The following ASPSCR1 variants were observed in gnomAD, a reference collection of about 807,000 sequenced individuals.
The protein encoded by ASPSCR1 is ASPSCR1 tether for SLC2A4, UBX domain containing.
In ASPSCR1, 55 loss-of-function variants were observed where a neutral mutation model predicts 68.9. That is an observed-to-expected ratio of 0.80 (90% CI 0.64 to 1.00). The LOEUF is 1.00. Among genes scored for constraint, ASPSCR1 ranks in the 50% least tolerant of loss-of-function variants. The pLI, the probability that ASPSCR1 is intolerant of heterozygous loss-of-function variation, is 0.00. For synonymous variants in ASPSCR1, 352 were observed against 332.6 expected (o/e 1.06, Z -0.63); for missense variants, 765 against 762.2 (o/e 1.00, Z -0.04).
At chr17:81,979,038 C>A in intron 1 of ASPSCR1, 146 bp from the exon 2 acceptor site, 1 of 743,606 alleles carries the variant, frequency 1.3e-6, no homozygotes, top group Non-Finnish European at 2.4e-6. Context: ...TTGCGGGGAC[C>A]GTCCATAGTG....
At chr17:82,004,267 T>C (rs930577087) in intron 7 of ASPSCR1, 1 of 152,356 alleles carries the variant, frequency 6.6e-6, no homozygotes, top group Non-Finnish European at 1.5e-5. Flanking sequence ...CCCGCAGGGC[T>C]GCCCCCGGCA....
At chr17:82,014,739 C>T (rs2043064557) in intron 12 of ASPSCR1, 2 of 388,798 alleles carry the variant, frequency 5.1e-6, no homozygotes, top group East Asian at 1.1e-4. Context: ...TACAGAGTTG[C>T]TGCCCCGTGG....
chr17:82,001,605 C>T (rs968355928), intron 7 of ASPSCR1, among the ~76,000 whole-genome samples: 20 of 152,162 alleles, frequency 1.3e-4, no homozygotes, highest in Non-Finnish European at 1.5e-5. Context: ...GGTGGATGCT[C>T]GCCACTGGGG....
rs1020551607 is a variant in ASPSCR1, at chr17:82,003,535, T to A, written c.934-5502T>A. On this transcript the variant is annotated intron_variant, in intron 7 of 15. Coordinates refer to ENST00000306739, the MANE Select transcript of ASPSCR1 (RefSeq NM_024083.4). ...CGCTGGCAGGCCCGGGCCATGAGCA[T>A]CGGTGCGGATGCTGTGCTCAGCCTG... Among the ~76,000 whole-genome samples the A allele has an allele frequency of 2.6e-5, 4 of 152,212 alleles. No homozygotes were observed. The East Asian group carries it at 7.7e-4, about 29-fold the overall frequency.
chr17:81,980,456 C>T (rs576151878), intron 2 of ASPSCR1, among the ~76,000 whole-genome samples: 41 of 152,344 alleles, frequency 2.7e-4, no homozygotes, highest in African/African-American at 9.9e-4. Context: ...CGTGAGAATC[C>T]CAGGACCTGT....
intron 7 of ASPSCR1, 78 bp from the exon 8 acceptor site, chr17:82,008,959 C>T (rs1057266489): frequency 4.2e-5 from 60 of 1,420,818 alleles, no homozygotes; most frequent in South Asian, 2.5e-4. Flanking sequence ...GTGACCACCT[C>T]GGCTGGGGCA....
chr17:81,987,529 C>G lies in ASPSCR1; in HGVS notation c.374+1922C>G, dbSNP rs2042036089. Among the ~76,000 whole-genome samples, 1 of 152,196 alleles carries G rather than the reference C, an allele frequency of 6.6e-6. No individual in the cohort carries two copies. Among genetic ancestry groups the G allele is most frequent in the African/African-American group, 2.4e-5 (1 of 41,444 alleles). On this transcript the variant is annotated intron_variant, in intron 4 of 15. Transcript: ENST00000306739. The surrounding 1 kb of genome is among the most constrained non-coding windows in gnomAD (Gnocchi z 5.6). The stretch of plus-strand genomic sequence containing the variant: ...GGGCCGTCCTCCCTGGCTGTGCTGT[C>G]AGTCCTCAGATGGGGATGGAGGTAA...
rs1268008859 is a variant in ASPSCR1 at position 82,015,116 on chromosome 17, C to T, written c.1354-1360C>T. 4 of 1,598,226 alleles carry T rather than the reference C, an allele frequency of 2.5e-6. No individual in the cohort carries two copies. The South Asian group carries it at 4.4e-5, about 18-fold the overall frequency. On this transcript the variant is annotated intron_variant, in intron 12 of 15. Transcript: ENST00000306739. ...GGGTGGCTCCATTCACCCTGGGTCC[C>T]TCGCTGAAACGGTGCCTGGGACCAG...
Position 81,977,656 on chromosome 17 carries a change from CCGGCAGGCGG to C in ASPSCR1, c.14_23del (p.Ala5GlufsTer17). ...GTCACGTGAGCGGAAAATGGCGGCC[CCGGCAGGCGG>C]CGGAGGCTCCGCGGTGTCGGTGCTG... is the stretch of plus-strand genomic sequence containing the variant. On this transcript the variant is annotated frameshift_variant, in exon 1 of 16. Transcript: ENST00000306739. LOFTEE classifies it high-confidence loss of function. The surrounding 1 kb of genome is among the most constrained non-coding windows in gnomAD (Gnocchi z 5.0). The C allele has an allele frequency of 1.4e-6, 2 of 1,397,772 alleles. No individual in the cohort carries two copies. The highest frequency in any genetic ancestry group is 1.9e-6 in the Non-Finnish European group (2 of 1,072,906). 86.6% of individuals were successfully genotyped at this position (1,397,772 alleles called of 1,614,324 possible). A position where few individuals can be genotyped will look rare whatever the true frequency, so the allele number is the denominator to read the frequency against.
At chr17:81,984,936 C>A (rs2144005924) in intron 3 of ASPSCR1, among the ~76,000 whole-genome samples, 1 of 125,118 alleles carries the variant, frequency 8.0e-6, no homozygotes, top group Non-Finnish European at 1.7e-5. Flanking sequence ...CACCCCCACA[C>A]CCGCACACAC....
At position 81,987,399 on chromosome 17, in the gene ASPSCR1, A is replaced by G. The variant is rs2042030368; in HGVS notation, c.374+1792A>G. 6.6e-6 allele frequency among the ~76,000 whole-genome samples: 1 copy of G among 152,250 alleles called. No homozygotes were observed. The highest frequency in any genetic ancestry group is 1.5e-5 in the Non-Finnish European group (1 of 68,034). On this transcript the variant is annotated intron_variant, in intron 4 of 15. Coordinates refer to ENST00000306739, the MANE Select transcript of ASPSCR1 (RefSeq NM_024083.4). The surrounding 1 kb of genome is among the most constrained non-coding windows in gnomAD (Gnocchi z 5.6). ...AAGAAAACCAAACAGCGCGGGGAAC[A>G]GAAGTCAGGAAAGATGAACGTCTGG...
In ASPSCR1 at chr17:82,009,195, G is replaced by T; in HGVS notation, c.1088+4G>T. 6.2e-7 allele frequency: 1 copy of T among 1,602,418 alleles called. No homozygotes were observed. The highest frequency in any genetic ancestry group is 8.5e-7 in the Non-Finnish European group (1 of 1,173,930). ...TGGCCCAGCTCAAGAGTGAGCGGTG[G>T]GTGCCCCCTCAGTGCCTCCCGGCAT... On this transcript the variant is annotated splice_donor_region_variant and intron_variant, in intron 8 of 15. Transcript: ENST00000306739.
intron 7 of ASPSCR1, among the ~76,000 whole-genome samples, chr17:82,001,972 T>G (rs2042546688): frequency 6.6e-6 from 1 of 151,738 alleles, no homozygotes; most frequent in African/African-American, 2.4e-5. Flanking sequence ...AATCCTGTTC[T>G]TATTTTTCTT....
At chr17:81,981,447 C>T (rs982609069) in intron 2 of ASPSCR1, among the ~76,000 whole-genome samples, 13 of 152,154 alleles carry the variant, frequency 8.5e-5, no homozygotes, top group East Asian at 3.8e-4. Flanking sequence ...GGCGCTATCT[C>T]GGCTCACTGC....
Position 81,996,789 on chromosome 17 carries a change from G to A in ASPSCR1, c.876G>A (p.Gln292=), listed in dbSNP as rs755548911. The A allele has an allele frequency of 6.2e-7, 1 of 1,608,040 alleles. No individual in the cohort carries two copies. The highest frequency in any genetic ancestry group is 8.5e-7 in the Non-Finnish European group (1 of 1,178,122). The stretch of plus-strand genomic sequence containing the variant: ...AGTCCAAGTCGGGCCAGGATCCCCA[G>A]CAGGAGCAGGAGCAGGAGCGGGAGC... The part of the protein sequence containing the change: ...PKKSKSGQDP[Q]QEQEQERERD... The change falls in exon 7 of 16, where the codon CAG becomes CAA. Residue 292 remains glutamine, a synonymous_variant. Transcript: ENST00000306739.
chr17:82,001,133 G>C (rs902635446), intron 7 of ASPSCR1, among the ~76,000 whole-genome samples: 1 of 152,160 alleles, frequency 6.6e-6, no homozygotes, highest in Non-Finnish European at 1.5e-5. Context: ...CCTGTCCCAG[G>C]GTTTTGGGGG....
chr17:81,997,122 G>GTGTGGGCTCCGGGATGAGGCCA (rs1207176247), intron 7 of ASPSCR1, among the ~76,000 whole-genome samples: 1 of 151,842 alleles, frequency 6.6e-6, no homozygotes, highest in Non-Finnish European at 1.5e-5. Flanking sequence ...GGATGAGGCC[G>GTGTGGGCTCCGGGATGAGGCCA]TGTGGGCTCC....
intron 9 of ASPSCR1, chr17:82,010,061 T>C: frequency 8.8e-6 from 3 of 342,528 alleles, no homozygotes; most frequent in Non-Finnish European, 1.7e-5. Context: ...AGGTACCCGC[T>C]ACCACTAGCT....
In ASPSCR1 at chr17:82,016,097, G is replaced by A. The variant is rs115489649; in HGVS notation, c.1354-379G>A. On this transcript the variant is annotated intron_variant, in intron 12 of 15. Coordinates refer to ENST00000306739, the MANE Select transcript of ASPSCR1 (RefSeq NM_024083.4). ...AGCTGGGAGGGGGATACCCCAGCCT[G>A]GCAGCTGCACCCCTCCACGGTGGTC... is the stretch of plus-strand genomic sequence containing the variant. The A allele has an allele frequency of 6.6e-3, 1,509 of 230,128 alleles. 18 individuals carry two copies. Among genetic ancestry groups the A allele is most frequent in the African/African-American group, 0.032 (1,415 of 44,268 alleles). 14.3% of individuals were successfully genotyped at this position (230,128 alleles called of 1,614,324 possible).
Sources: gnomAD v4.1 joint callset for allele counts (sites outside exome capture counted in the v4.1 genomes callset) on GRCh38, gnomAD v4.1.1 for gene constraint, Gnocchi (gnomAD v3.1) non-coding constraint, MANE v1.5 for transcripts, NCBI Gene and HGNC (gene_info 2026-07-23, HGNC 2026-07-21) for gene names.